The following ADAM12 variants were observed in gnomAD, a reference collection of about 807,000 sequenced individuals.
ADAM12 encodes the protein disintegrin and metalloproteinase domain-containing protein 12.
ADAM12 carries 70 observed loss-of-function variants against 106.4 expected under a neutral mutation model. The ratio of observed to expected loss-of-function variants is 0.66; its 90% CI spans 0.54 to 0.80. The LOEUF is 0.80. ADAM12 is among the 30% of genes least tolerant of loss of function. The probability of loss-of-function intolerance (pLI) is 0.00; values close to 1 mark genes in which losing one functional copy is unlikely to be tolerated. For synonymous variants in ADAM12, 420 were observed against 433.5 expected, an observed-to-expected ratio of 0.97 and a Z score of 0.39; for missense variants, 1,010 against 1,171.9, an observed-to-expected ratio of 0.86 and a Z score of 2.02.
At chr10:126,187,735 C>T (rs1386606356) in intron 3 of ADAM12, among the ~76,000 whole-genome samples, 2 of 152,204 alleles carry the variant, frequency 1.3e-5, no homozygotes, top group Non-Finnish European at 2.9e-5. Flanking sequence ...ATGCAAGGCA[C>T]AGCACGCTGG....
rs1269575466 is a variant in ADAM12, at chr10:126,015,547, G to C, written c.*1732C>G. The C allele has an allele frequency of 6.6e-6, 1 of 152,192 alleles. No homozygotes were observed. Among genetic ancestry groups the C allele is most frequent in the Admixed American group, 6.5e-5 (1 of 15,286 alleles). 9.4% of individuals were successfully genotyped at this position (152,192 alleles called of 1,614,324 possible). Reference sequence around the variant, plus strand: ...ATGCTATACGAGTTGGAATGTATTAGAGCTGGGTTCCCTTTTGTGTGTGTT... The same window carrying C: ...ATGCTATACGAGTTGGAATGTATTACAGCTGGGTTCCCTTTTGTGTGTGTT... On this transcript the variant is annotated 3_prime_UTR_variant, in exon 23 of 23. Coordinates refer to ENST00000448723, the MANE Select transcript of ADAM12 (RefSeq NM_001288973.2).
At chr10:126,149,368 T>C (rs1472471474) in intron 4 of ADAM12, among the ~76,000 whole-genome samples, 1 of 152,212 alleles carries the variant, frequency 6.6e-6, no homozygotes, top group African/African-American at 2.4e-5. Flanking sequence ...GTTTCTCTAG[T>C]CCTCTATTTC....
chr10:126,377,189 G>T (rs2133929565), intron 1 of ADAM12, among the ~76,000 whole-genome samples: 1 of 152,312 alleles, frequency 6.6e-6, no homozygotes, highest in East Asian at 1.9e-4. Flanking sequence ...GCTGGCTTCA[G>T]TGTCTGCCCT....
chr10:126,353,121 A>T (rs1855420390), intron 1 of ADAM12, among the ~76,000 whole-genome samples: 1 of 152,198 alleles, frequency 6.6e-6, no homozygotes, highest in Non-Finnish European at 1.5e-5. Flanking sequence ...CAGATTCAAA[A>T]GGAATTGCCA....
At chr10:126,336,009 T>C (rs1854686575) in intron 1 of ADAM12, among the ~76,000 whole-genome samples, 1 of 152,132 alleles carries the variant, frequency 6.6e-6, no homozygotes, top group African/African-American at 2.4e-5. Flanking sequence ...ACAGACAAGA[T>C]GAACCTAAGG....
chr10:126,300,955 A>G (rs1960595891), intron 2 of ADAM12, among the ~76,000 whole-genome samples: 1 of 152,214 alleles, frequency 6.6e-6, no homozygotes, highest in Non-Finnish European at 1.5e-5. Context: ...CAAGTATTCA[A>G]AATAAGCAAC....
In ADAM12 at chr10:126,066,327, G is replaced by T. The variant is rs1954867493; in HGVS notation, c.1413+390C>A. On this transcript the variant is annotated intron_variant, in intron 13 of 22. Transcript: ENST00000448723. The surrounding 1 kb of genome is among the most constrained non-coding windows in gnomAD (Gnocchi z 5.1). Reference sequence around the variant, plus strand: ...CAAGCCAGCAGGCAGATGTCCGCGGGATCAAGAAGATGAACCTGGGGGAAC... The same window carrying T: ...CAAGCCAGCAGGCAGATGTCCGCGGTATCAAGAAGATGAACCTGGGGGAAC... Among the ~76,000 whole-genome samples, 1 of 152,236 alleles carries T rather than the reference G, an allele frequency of 6.6e-6. No homozygotes were observed. Among genetic ancestry groups the T allele is most frequent in the African/African-American group, 2.4e-5 (1 of 41,460 alleles).
In ADAM12 at chr10:126,045,294, C is replaced by T. The variant is rs552456860; in HGVS notation, c.1995+761G>A. ...TATATTGGGAGTTAGCTAACCTTAC[C>T]GTCAACACCCCCATCTGAGGTGACA... On this transcript the variant is annotated intron_variant, in intron 17 of 22. Coordinates refer to ENST00000448723, the MANE Select transcript of ADAM12 (RefSeq NM_001288973.2). Among the ~76,000 whole-genome samples, 230 of 152,240 alleles carry T rather than the reference C, an allele frequency of 1.5e-3. 1 individual carries two copies. The highest frequency in any genetic ancestry group is 5.3e-3 in the African/African-American group (220 of 41,544).
At chr10:126,343,652 A>G (rs1434213891) in intron 1 of ADAM12, among the ~76,000 whole-genome samples, 15 of 152,194 alleles carry the variant, frequency 9.9e-5, no homozygotes, top group Admixed American at 9.2e-4. Flanking sequence ...CCAATAGTGT[A>G]AAAGTATTCC....
intron 3 of ADAM12, among the ~76,000 whole-genome samples, chr10:126,221,713 A>AG (rs1491478642): frequency 6.6e-6 from 1 of 152,226 alleles, no homozygotes; most frequent in Non-Finnish European, 1.5e-5. Context: ...AATCTGTCAC[A>AG]GGGGGCAAGA....
intron 1 of ADAM12, among the ~76,000 whole-genome samples, chr10:126,339,344 C>G (rs900278503): frequency 6.6e-6 from 1 of 152,150 alleles, no homozygotes; most frequent in Admixed American, 6.5e-5. Flanking sequence ...CATCTCCCAG[C>G]GAAAAACCAA....
intron 5 of ADAM12, among the ~76,000 whole-genome samples, chr10:126,122,000 C>A (rs1014409510): frequency 6.6e-6 from 1 of 152,074 alleles, no homozygotes; most frequent in South Asian, 2.1e-4. Flanking sequence ...GCTCAGGATA[C>A]TGGTATCCTA....
rs75023261 is a variant in ADAM12 at position 126,214,051 on chromosome 10, A to G, written c.261-58746T>C. Among the ~76,000 whole-genome samples, 280 of 152,378 alleles carry G rather than the reference A, an allele frequency of 1.8e-3. 2 individuals are homozygous for G. The East Asian group carries it at 0.033, about 18-fold the overall frequency. ...AAATCACTTCAAAAATATGGCTAAA[A>G]TCAGGACACTGGAAACCACTATAAT... On this transcript the variant is annotated intron_variant, in intron 3 of 22. Coordinates refer to ENST00000448723, the MANE Select transcript of ADAM12 (RefSeq NM_001288973.2).
intron 2 of ADAM12, among the ~76,000 whole-genome samples, chr10:126,282,320 C>T (rs916217104): frequency 6.6e-6 from 1 of 152,056 alleles, no homozygotes; most frequent in Non-Finnish European, 1.5e-5. Flanking sequence ...TTCTAAGGTA[C>T]CGGGGTTAGG....
rs1281112614 is a variant in ADAM12 at position 126,053,965 on chromosome 10, C to T, written c.1610-4296G>A. ...CAGGTGATTCACCCACCTCAGCCTCCCAAAATGCTGGGATTACAGGCGTGA... is the reference window on the plus strand; with the variant it reads ...CAGGTGATTCACCCACCTCAGCCTCTCAAAATGCTGGGATTACAGGCGTGA... On this transcript the variant is annotated intron_variant, in intron 14 of 22. Transcript: ENST00000448723. The surrounding 1 kb of genome is among the most constrained non-coding windows in gnomAD (Gnocchi z 4.6). 1.3e-5 allele frequency among the ~76,000 whole-genome samples: 2 copies of T among 152,110 alleles called. No individual in the cohort carries two copies. Among genetic ancestry groups the T allele is most frequent in the East Asian group, 3.9e-4 (2 of 5,174 alleles).
chr10:126,041,257 G>A (rs1954160977), intron 18 of ADAM12: 1 of 877,986 alleles, frequency 1.1e-6, no homozygotes, highest in South Asian at 5.2e-5. Context: ...GAGCCCCTGA[G>A]CCATGGCCAG....
intron 3 of ADAM12, among the ~76,000 whole-genome samples, chr10:126,191,622 C>T (rs1189055105): frequency 6.6e-6 from 1 of 151,952 alleles, no homozygotes; most frequent in Non-Finnish European, 1.5e-5. Context: ...GAATAGGGGA[C>T]AGGATTAGGA....
At chr10:126,194,811 A>T (rs935420034) in intron 3 of ADAM12, among the ~76,000 whole-genome samples, 7 of 152,322 alleles carry the variant, frequency 4.6e-5, no homozygotes, top group African/African-American at 1.7e-4. Flanking sequence ...ACCCTTGTAT[A>T]ATGTCTGTTG....
At chr10:126,253,055 A>G (rs185436353) in intron 3 of ADAM12, among the ~76,000 whole-genome samples, 24 of 152,322 alleles carry the variant, frequency 1.6e-4, no homozygotes, top group Admixed American at 2.6e-4. Context: ...ATAACAGGAC[A>G]TACCTGTTTA....
Sources: gnomAD v4.1 joint callset for allele counts (sites outside exome capture counted in the v4.1 genomes callset) on GRCh38, gnomAD v4.1.1 for gene constraint, Gnocchi (gnomAD v3.1) non-coding constraint, MANE v1.5 for transcripts, NCBI Gene and HGNC (gene_info 2026-07-23, HGNC 2026-07-21) for gene names.